Variants in PKD1L3 observed in about 807,000 individuals in gnomAD.
PKD1L3 encodes polycystin 1 like 3, transient receptor potential channel interacting.
In PKD1L3, 239 loss-of-function variants were observed where a neutral mutation model predicts 184.1. The ratio of observed to expected loss-of-function variants is 1.30; its 90% confidence interval spans 1.17 to 1.45. The LOEUF is 1.45. Among genes scored for constraint, PKD1L3 ranks in the 40% most tolerant of loss-of-function variants. PKD1L3 has a pLI of 0.00. For missense variants in PKD1L3, 2,660 were observed against 2,067.2 expected, an observed-to-expected ratio of 1.29 and a Z score of -5.56; for synonymous variants, 996 against 778.8, an observed-to-expected ratio of 1.28 and a Z score of -4.64.
In PKD1L3 at chr16:71,979,837, C is replaced by T. The variant is rs1227087151; in HGVS notation, c.1347G>A (p.Ser449=). The stretch of plus-strand genomic sequence containing the variant: ...TCAAGAGCTCCTTCAAAGCTAAAGC[C>T]GACGGAAAGCCTAGCCTCACAGGGG... ...HPAPVRLGFP[S]ALALKELLNK... The change falls in exon 9 of 30, where the codon TCG becomes TCA. Residue 449 remains serine (S), a synonymous_variant. Transcript: ENST00000620267. The T allele has an allele frequency of 5.3e-6, 8 of 1,517,996 alleles. No homozygotes were observed. The highest frequency in any genetic ancestry group is 2.6e-5 in the South Asian group (2 of 77,740). The allele number at this position is 1,517,996 out of a possible 1,614,324, so 94.0% of individuals were successfully genotyped here.
In PKD1L3 at chr16:71,999,729, G is replaced by T; in HGVS notation, c.250C>A (p.Gln84Lys). 6.4e-7 allele frequency: 1 copy of T among 1,550,902 alleles called. No homozygotes were observed. Among genetic ancestry groups the T allele is most frequent in the Non-Finnish European group, 8.7e-7 (1 of 1,146,630 alleles). The change falls in exon 1 of 30, where the codon CAA becomes AAA. Residue 84 changes from glutamine to lysine, a missense_variant. Coordinates refer to ENST00000620267, the MANE Select transcript of PKD1L3 (RefSeq NM_181536.2). Reference protein sequence around the residue: ...LEEGKKWWIGQNVMPLKKHQD... With the variant: ...LEEGKKWWIGKNVMPLKKHQD... ...TGCTTTTTCAATGGCATTACATTTT[G>T]CCCAATCCACCACTTCTTTCCTTCT... is the stretch of plus-strand genomic sequence containing the variant.
At chr16:71,937,595 G>A (rs1407241209) in intron 24 of PKD1L3, among the ~76,000 whole-genome samples, 176 bp from the exon 25 acceptor site, 1 of 152,156 alleles carries the variant, frequency 6.6e-6, no homozygotes, top group African/African-American at 2.4e-5. Context: ...GATCATGTAT[G>A]CAAAGCTATT....
At chr16:71,959,658 C>T (rs1272313886) in intron 16 of PKD1L3, among the ~76,000 whole-genome samples, 5 of 151,410 alleles carry the variant, frequency 3.3e-5, no homozygotes, top group Admixed American at 6.6e-5. Flanking sequence ...GCAGAAGAAA[C>T]GTTATTCTTA....
intron 18 of PKD1L3, 52 bp downstream of exon 18, chr16:71,952,839 AAAC>A: frequency 6.7e-7 from 1 of 1,501,892 alleles, no homozygotes; most frequent in Non-Finnish European, 9.0e-7. Context: ...CCCTATGTCA[AAAC>A]AAACAAGCAG....
At chr16:71,974,846 G>A (rs1268487403) in intron 11 of PKD1L3, among the ~76,000 whole-genome samples, 1 of 152,182 alleles carries the variant, frequency 6.6e-6, no homozygotes, top group Non-Finnish European at 1.5e-5. Context: ...TGTGAGTGGT[G>A]CCCATGCGAG....
chr16:71,930,197 AAG>A lies in PKD1L3; in HGVS notation c.4927-16_4927-15del. On this transcript the variant is annotated splice_polypyrimidine_tract_variant and intron_variant, in intron 28 of 29. Transcript: ENST00000620267. ...TAAAGCGAAAACCTGGGAAAACAAT[AAG>A]AACACTTGCAGTGACTGACAATTTA... 6.5e-7 allele frequency: 1 copy of A among 1,538,646 alleles called. No individual in the cohort carries two copies. The highest frequency in any genetic ancestry group is 2.4e-5 in the East Asian group (1 of 40,852).
chr16:71,975,222 A>ATTTTT (rs11311844), intron 11 of PKD1L3, among the ~76,000 whole-genome samples: 1 of 139,858 alleles, frequency 7.2e-6, no homozygotes, highest in African/African-American at 2.6e-5. Context: ...CGCTCGGCTA[A>ATTTTT]TTTTTTTTTT....
rs983615493 is a variant in PKD1L3, at chr16:71,982,243, G to T, written c.967-8C>A. On this transcript the variant is annotated splice_region_variant and splice_polypyrimidine_tract_variant and intron_variant, in intron 6 of 29. Transcript: ENST00000620267. ...GGAATTGATGAGATTAACCTGGGAG[G>T]ATTAGAAAGCAAACATACACCCTTG... 3.3e-5 allele frequency: 44 copies of T among 1,330,244 alleles called. No individual in the cohort carries two copies. The highest frequency in any genetic ancestry group is 4.4e-5 in the Non-Finnish European group (43 of 983,634). 82.4% of individuals were successfully genotyped at this position (1,330,244 alleles called of 1,614,324 possible). A position where few individuals can be genotyped will look rare whatever the true frequency, so the allele number is the denominator to read the frequency against.
intron 12 of PKD1L3, 57 bp from the exon 13 acceptor site, chr16:71,970,162 G>C (rs1483848604): frequency 1.3e-5 from 17 of 1,356,900 alleles, no homozygotes; most frequent in Middle Eastern, 3.7e-4. Context: ...GGAGGGGACA[G>C]ACATAAAACA....
intron 15 of PKD1L3, among the ~76,000 whole-genome samples, chr16:71,965,390 A>C (rs1389204370): frequency 2.0e-5 from 3 of 152,070 alleles, no homozygotes; most frequent in African/African-American, 7.2e-5. Context: ...ATCTTGGGTA[A>C]ATACCTATGA....
In PKD1L3 at chr16:71,986,279, C is replaced by T. The variant is rs2040357727; in HGVS notation, c.776G>A (p.Gly259Asp). Reference protein sequence around the residue: ...AETTSSPKEEGHPNTFTSYLQ... With the variant: ...AETTSSPKEEDHPNTFTSYLQ... ...ATAAGAGGTGAAGGTATTCGGATGA[C>T]CTTCTTCCTTTGGGCTTGAAGTTGT... Residue 259 changes from glycine to aspartate, a missense_variant, in exon 5 of 30, where the codon GGT (glycine) becomes GAT (aspartate). Coordinates refer to ENST00000620267, the MANE Select transcript of PKD1L3 (RefSeq NM_181536.2). The T allele has an allele frequency of 6.4e-7, 1 of 1,552,130 alleles. No homozygotes were observed. The highest frequency in any genetic ancestry group is 1.4e-5 in the African/African-American group (1 of 73,016).
intron 28 of PKD1L3, among the ~76,000 whole-genome samples, chr16:71,931,997 GCCT>G (rs1333093946): frequency 2.0e-5 from 3 of 152,000 alleles, no homozygotes; most frequent in Non-Finnish European, 4.4e-5. Context: ...TTTCACTTTG[GCCT>G]CCTAAGTAAC....
At chr16:71,935,550 G>A (rs1239043339) in intron 25 of PKD1L3, 32 bp from the exon 26 acceptor site, 4 of 1,544,586 alleles carry the variant, frequency 2.6e-6, no homozygotes, top group South Asian at 1.2e-5. Context: ...ACTGTTGCTT[G>A]TCTGAGAGAT....
chr16:71,936,519 C>CTTTTTT (rs397785025), intron 25 of PKD1L3, among the ~76,000 whole-genome samples: 1 of 123,544 alleles, frequency 8.1e-6, no homozygotes, highest in Non-Finnish European at 1.7e-5. Flanking sequence ...TTTTTTTTTT[C>CTTTTTT]TTTTTTTTTT....
intron 18 of PKD1L3, 57 bp downstream of exon 18, chr16:71,952,837 C>T: frequency 2.0e-6 from 3 of 1,496,822 alleles, no homozygotes; most frequent in African/African-American, 1.4e-5. Context: ...GACCCTATGT[C>T]AAAACAAACA....
At chr16:71,936,804 C>T (rs927992653) in intron 25 of PKD1L3, among the ~76,000 whole-genome samples, 1 of 152,104 alleles carries the variant, frequency 6.6e-6, no homozygotes, top group Non-Finnish European at 1.5e-5. Context: ...GCTCTTTGTT[C>T]ATCATACTTG....
Position 71,933,505 on chromosome 16 carries a change from C to T in PKD1L3, c.4841G>A (p.Gly1614Glu). The T allele has an allele frequency of 6.4e-7, 1 of 1,551,262 alleles. No homozygotes were observed. Among genetic ancestry groups the T allele is most frequent in the Non-Finnish European group, 8.7e-7 (1 of 1,146,398 alleles). ...TGTCCGGTAGTCAGAGATGCTGCAT[C>T]CAAACAGCAGGTTAAACTGAACAGA... is the stretch of plus-strand genomic sequence containing the variant. ...GYAIAFNLLF[G>E]CSISDYRTFF... Residue 1614 changes from glycine to glutamate, a missense_variant, in exon 28 of 30, where the codon GGA (glycine) becomes GAA (glutamate). Coordinates refer to ENST00000620267, the MANE Select transcript of PKD1L3 (RefSeq NM_181536.2).
rs2038143447 is a variant in PKD1L3 at position 71,935,471 on chromosome 16, T to G, written c.4500A>C (p.Arg1500Ser). ...QQKWRFFTGK[R>S]NILDTSIILI... ...GGATTATACTTGTGTCCAGAATGTT[T>G]CTTTTCCCAGTGAAGAACCTCCACT... The change falls in exon 26 of 30, where the codon AGA becomes AGC. Residue 1500 changes from arginine (R) to serine (S), a missense_variant. Transcript: ENST00000620267. 6.4e-7 allele frequency: 1 copy of G among 1,552,258 alleles called. No individual in the cohort carries two copies. Among genetic ancestry groups the G allele is most frequent in the Non-Finnish European group, 8.7e-7 (1 of 1,147,102 alleles).
chr16:71,957,159 G>T (rs73574480), intron 16 of PKD1L3, among the ~76,000 whole-genome samples: 7,999 of 151,938 alleles, frequency 0.053, 681 homozygotes, highest in African/African-American at 0.18. Flanking sequence ...AAAAGAATAC[G>T]GTAGACTAGA....
Sources: gnomAD v4.1 joint callset for allele counts (sites outside exome capture counted in the v4.1 genomes callset) on GRCh38, gnomAD v4.1.1 for gene constraint, MANE v1.5 for transcripts, NCBI Gene and HGNC (gene_info 2026-07-23, HGNC 2026-07-21) for gene names.